MIPOL1: variants seen among roughly 807,000 people sequenced by gnomAD.
MIPOL1 encodes mirror-image polydactyly gene 1 protein.
In MIPOL1, 57 loss-of-function variants were observed where a neutral mutation model predicts 60.9. That is an observed-to-expected ratio of 0.94 (90% CI 0.76 to 1.17). The LOEUF is 1.17. Among genes scored for constraint, MIPOL1 ranks in the 50% most tolerant of loss-of-function variants. MIPOL1 has a pLI of 0.00. For missense variants in MIPOL1, 551 were observed against 511.6 expected (o/e 1.08, Z -0.74); for synonymous variants, 179 against 168.8 (o/e 1.06, Z -0.47).
intron 1 of MIPOL1, among the ~76,000 whole-genome samples, chr14:37,233,913 A>C (rs904757113): frequency 3.3e-5 from 5 of 152,198 alleles, no homozygotes; most frequent in African/African-American, 1.2e-4. Flanking sequence ...GCTCTTGACC[A>C]GTCCACTTTT....
At chr14:37,429,578 A>G (rs530324176) in intron 11 of MIPOL1, among the ~76,000 whole-genome samples, 1 of 152,264 alleles carries the variant, frequency 6.6e-6, no homozygotes, top group East Asian at 1.9e-4. Flanking sequence ...CGTGTTTAAC[A>G]TAGTGAAAAG....
At chr14:37,390,327 A>G (rs552278555) in intron 10 of MIPOL1, among the ~76,000 whole-genome samples, 1 of 152,262 alleles carries the variant, frequency 6.6e-6, no homozygotes, top group South Asian at 2.1e-4. Context: ...GCAGAGATGA[A>G]GGTTAAACCT....
chr14:37,270,148 A>T (rs1009567450), intron 5 of MIPOL1, among the ~76,000 whole-genome samples: 1 of 152,088 alleles, frequency 6.6e-6, no homozygotes, highest in Non-Finnish European at 1.5e-5. Context: ...TATTTTTAAG[A>T]ATAATGTTGG....
intron 3 of MIPOL1, among the ~76,000 whole-genome samples, chr14:37,248,826 C>T (rs1291822691): frequency 6.6e-6 from 1 of 151,898 alleles, no homozygotes; most frequent in Non-Finnish European, 1.5e-5. Flanking sequence ...AATTAAGACA[C>T]ATATATGAGA....
intron 9 of MIPOL1, among the ~76,000 whole-genome samples, chr14:37,368,457 G>A (rs1371921922): frequency 6.6e-6 from 1 of 152,014 alleles, no homozygotes; most frequent in Admixed American, 6.6e-5. Context: ...GATGATAGCT[G>A]CGTCATGATT....
intron 11 of MIPOL1, among the ~76,000 whole-genome samples, chr14:37,478,323 A>C (rs2094809102): frequency 6.6e-6 from 1 of 152,210 alleles, no homozygotes; most frequent in Admixed American, 6.5e-5. Context: ...AAATTGAAAA[A>C]CTGCAAATAT....
At chr14:37,362,647 GT>G (rs1204304189) in intron 9 of MIPOL1, among the ~76,000 whole-genome samples, 1 of 152,144 alleles carries the variant, frequency 6.6e-6, no homozygotes, top group East Asian at 1.9e-4. Flanking sequence ...GAATTTGAAT[GT>G]TGGTCTGCCT....
At chr14:37,289,637 C>T (rs1179062302) in intron 7 of MIPOL1, among the ~76,000 whole-genome samples, 5 of 152,156 alleles carry the variant, frequency 3.3e-5, no homozygotes, top group African/African-American at 9.7e-5. Flanking sequence ...GTACACCACC[C>T]TCCAGGAACC....
At chr14:37,391,431 CTG>C (rs1367482679) in intron 10 of MIPOL1, among the ~76,000 whole-genome samples, 2 of 150,246 alleles carry the variant, frequency 1.3e-5, no homozygotes, top group African/African-American at 4.9e-5. Context: ...GAGTCTCACT[CTG>C]TCACCATGCT....
intron 8 of MIPOL1, 45 bp from the exon 9 acceptor site, chr14:37,308,304 T>C (rs1422174412): frequency 2.0e-5 from 29 of 1,420,992 alleles, no homozygotes; most frequent in Non-Finnish European, 2.6e-5. Flanking sequence ...TTAAATAAAA[T>C]ATATTAAAAC....
At position 37,321,563 on chromosome 14, in the gene MIPOL1, G is replaced by A. The variant is rs72671749; in HGVS notation, c.828+13044G>A. Among the ~76,000 whole-genome samples the A allele has an allele frequency of 6.3e-3, 962 of 152,004 alleles. 3 individuals carry two copies. Among genetic ancestry groups the A allele is most frequent in the Non-Finnish European group, 0.01 (703 of 67,862 alleles). ...AGTTTGTATATTCTGTAGTTGTTGAGTGTAGTATTGTCTCCGTATGTTATT... is the reference window on the plus strand; with the variant it reads ...AGTTTGTATATTCTGTAGTTGTTGAATGTAGTATTGTCTCCGTATGTTATT... On this transcript the variant is annotated intron_variant, in intron 9 of 12. Coordinates refer to ENST00000684589, the MANE Select transcript of MIPOL1 (RefSeq NM_001388067.1).
intron 7 of MIPOL1, among the ~76,000 whole-genome samples, chr14:37,296,782 A>C (rs1371763084): frequency 9.9e-5 from 15 of 152,208 alleles, no homozygotes; most frequent in Non-Finnish European, 1.5e-5. Flanking sequence ...GAATAGACCA[A>C]TAACAGGCTC....
intron 11 of MIPOL1, among the ~76,000 whole-genome samples, chr14:37,484,450 G>T (rs2094917644): frequency 6.8e-6 from 1 of 147,818 alleles, no homozygotes; most frequent in Non-Finnish European, 1.5e-5. Context: ...CAATTCTCCT[G>T]ACTCAGTCTC....
chr14:37,372,251 C>T (rs1480939952), intron 10 of MIPOL1, among the ~76,000 whole-genome samples: 1 of 152,016 alleles, frequency 6.6e-6, no homozygotes, highest in African/African-American at 2.4e-5. Context: ...TCATAGATTA[C>T]ATGGAACTTT....
In MIPOL1 at chr14:37,285,210, T is replaced by C. The variant is rs1377556478; in HGVS notation, c.494-108T>C. The C allele has an allele frequency of 4.5e-6, 5 of 1,103,014 alleles. No individual in the cohort carries two copies. The East Asian group carries it at 9.7e-5, about 21-fold the overall frequency. 68.3% of individuals were successfully genotyped at this position (1,103,014 alleles called of 1,614,324 possible). A position where few individuals can be genotyped will look rare whatever the true frequency, so the allele number is the denominator to read the frequency against. On this transcript the variant is annotated intron_variant, in intron 6 of 12. Transcript: ENST00000684589. ...GATTGATTGATATTAATTCAGTTTATTGAGTAGTCCTTACAGTAATAATTA... is the reference window on the plus strand; with the variant it reads ...GATTGATTGATATTAATTCAGTTTACTGAGTAGTCCTTACAGTAATAATTA...
chr14:37,201,934 C>T (rs1965406080), intron 1 of MIPOL1, among the ~76,000 whole-genome samples: 1 of 152,152 alleles, frequency 6.6e-6, no homozygotes, highest in Non-Finnish European at 1.5e-5. Flanking sequence ...TGGGGTCAAG[C>T]TGTCTTCCCT....
intron 10 of MIPOL1, among the ~76,000 whole-genome samples, chr14:37,374,793 G>A (rs565742467): frequency 8.5e-5 from 13 of 152,128 alleles, no homozygotes; most frequent in African/African-American, 2.9e-4. Context: ...CTGTAGCCTC[G>A]TATAGTTTGA....
chr14:37,376,350 C>G (rs1277395088), intron 10 of MIPOL1, among the ~76,000 whole-genome samples: 8 of 152,156 alleles, frequency 5.3e-5, no homozygotes, highest in Non-Finnish European at 1.0e-4. Context: ...CCCTCCTGAC[C>G]AGCTTTTTGC....
chr14:37,534,632 G>T (rs2095497714), intron 12 of MIPOL1, among the ~76,000 whole-genome samples: 1 of 152,114 alleles, frequency 6.6e-6, no homozygotes, highest in African/African-American at 2.4e-5. Context: ...GTTTTCTTGG[G>T]AATGTTACAT....
Sources: gnomAD v4.1 joint callset for allele counts (sites outside exome capture counted in the v4.1 genomes callset) on GRCh38, gnomAD v4.1.1 for gene constraint, MANE v1.5 for transcripts, NCBI Gene and HGNC (gene_info 2026-07-23, HGNC 2026-07-21) for gene names.